The following TRPM6 variants were observed in gnomAD, a reference collection of about 807,000 sequenced individuals.
TRPM6 encodes transient receptor potential cation channel subfamily M member 6, also known as channel kinase 2.
TRPM6 carries 111 observed loss-of-function variants against 247.6 expected under a neutral mutation model. That is an observed-to-expected ratio of 0.45 (90% CI 0.38 to 0.52). The LOEUF (loss-of-function observed/expected upper bound fraction) is 0.52. TRPM6 is among the 20% of genes least tolerant of loss of function. The pLI is 0.00. For missense variants in TRPM6, 2,126 were observed against 2,421.5 expected, an observed-to-expected ratio of 0.88 and a Z score of 2.56; for synonymous variants, 892 against 853.8, an observed-to-expected ratio of 1.04 and a Z score of -0.78.
At chr9:74,727,829 A>C (rs1189598594) in intron 38 of TRPM6, among the ~76,000 whole-genome samples, 1 of 151,912 alleles carries the variant, frequency 6.6e-6, no homozygotes, top group Non-Finnish European at 1.5e-5. Flanking sequence ...TCCATACCAC[A>C]CCCTCCCAAG....
rs143835222 is a variant in TRPM6 at position 74,750,198 on chromosome 9, T to C, written c.5057+466A>G. ...ATTGCTTTGATGATTAGCATGCTACTGAGAAACCAAAAACAAAAAAGATAT... is the reference window on the plus strand; with the variant it reads ...ATTGCTTTGATGATTAGCATGCTACCGAGAAACCAAAAACAAAAAAGATAT... On this transcript the variant is annotated intron_variant, in intron 30 of 38. Transcript: ENST00000360774. 5.4e-3 allele frequency among the ~76,000 whole-genome samples: 816 copies of C among 152,144 alleles called. 6 individuals carry two copies. Among genetic ancestry groups the C allele is most frequent in the African/African-American group, 0.019 (777 of 41,480 alleles).
chr9:74,769,671 T>C (rs1475752820), intron 25 of TRPM6, among the ~76,000 whole-genome samples: 2 of 151,610 alleles, frequency 1.3e-5, no homozygotes, highest in Non-Finnish European at 2.9e-5. Context: ...GGCAGGAGAA[T>C]TGCTTGAACC....
chr9:74,859,508 C>T (rs1830630254), intron 1 of TRPM6, among the ~76,000 whole-genome samples: 1 of 152,180 alleles, frequency 6.6e-6, no homozygotes, highest in Admixed American at 6.5e-5. Flanking sequence ...CGTGGTGGCT[C>T]ATGCCTGTAA....
intron 13 of TRPM6, among the ~76,000 whole-genome samples, chr9:74,808,463 A>T (rs1587529273): frequency 6.6e-6 from 1 of 152,236 alleles, no homozygotes; most frequent in East Asian, 1.9e-4. Context: ...TCATGCACAC[A>T]AACATATATA....
At chr9:74,738,680 G>T in intron 35 of TRPM6, 68 bp from the exon 36 acceptor site, 1 of 1,361,360 alleles carries the variant, frequency 7.3e-7, no homozygotes, top group Non-Finnish European at 1.0e-6. Context: ...TTACTGAGCA[G>T]TCATCAGCAG....
Position 74,800,230 on chromosome 9 carries a change from A to G in TRPM6, c.2238+24T>C, listed in dbSNP as rs765653073. Reference sequence around the variant, plus strand: ...TTATACAAGACTAACATTAAACTCCATAAGACAAGTAAAGTAAATTTACCT... The same window carrying G: ...TTATACAAGACTAACATTAAACTCCGTAAGACAAGTAAAGTAAATTTACCT... On this transcript the variant is annotated intron_variant, in intron 17 of 38. Transcript: ENST00000360774. 5 of 1,599,388 alleles carry G rather than the reference A, an allele frequency of 3.1e-6. No homozygotes were observed. In the South Asian group the frequency reaches 4.4e-5, roughly 14 times the overall value.
At chr9:74,739,642 T>C in intron 34 of TRPM6, 81 bp downstream of exon 34, 1 of 1,582,278 alleles carries the variant, frequency 6.3e-7, no homozygotes, top group Non-Finnish European at 8.6e-7. Context: ...TTGAGGATAA[T>C]GGCCTTAGAT....
intron 31 of TRPM6, among the ~76,000 whole-genome samples, chr9:74,744,535 T>C (rs568644540): frequency 6.6e-6 from 1 of 152,274 alleles, no homozygotes; most frequent in South Asian, 2.1e-4. Context: ...ACAGTATTAA[T>C]ACCAAGTTAT....
chr9:74,820,399 TCTC>T lies in TRPM6; in HGVS notation c.1036_1038del (p.Glu346del). 6.2e-7 allele frequency: 1 copy of T among 1,614,034 alleles called. No homozygotes were observed. Among genetic ancestry groups the T allele is most frequent in the Non-Finnish European group, 8.5e-7 (1 of 1,179,992 alleles). ...AAAGTGTTCTGAATCATGCAGATGA[TCTC>T]CTCTTTCACCTGAGGTCGCAGCATC... On this transcript the variant is annotated inframe_deletion, in exon 9 of 39. Transcript: ENST00000360774.
Position 74,762,934 on chromosome 9 carries a change from C to T in TRPM6, c.3737G>A (p.Cys1246Tyr). 6.2e-7 allele frequency: 1 copy of T among 1,605,090 alleles called. No individual in the cohort carries two copies. The highest frequency in any genetic ancestry group is 1.1e-5 in the South Asian group (1 of 90,314). ...GCTCCAGCTGTGGGGAAGTTTTTTGCAAGTAGAATGCTTTCTCTTGGCCAG... is the reference window on the plus strand; with the variant it reads ...GCTCCAGCTGTGGGGAAGTTTTTTGTAAGTAGAATGCTTTCTCTTGGCCAG... The part of the protein sequence containing the change: ...ALLAKRKHST[C>Y]KKLPHSWSNV... The change falls in exon 26 of 39, where the codon TGC (cysteine) becomes TAC (tyrosine). Residue 1246 changes from cysteine (C) to tyrosine (Y), a missense_variant. Cys to Tyr is a radical substitution (Grantham distance 194). Coordinates refer to ENST00000360774, the MANE Select transcript of TRPM6 (RefSeq NM_017662.5).
Position 74,798,075 on chromosome 9 carries a change from T to C in TRPM6, c.2239-1182A>G, listed in dbSNP as rs1828162969. ...AAAAAATTTTTAAGTTCAACTTGTATGGCCTTCCAAGGTAAAGAGTTTAAA... is the reference window on the plus strand; with the variant it reads ...AAAAAATTTTTAAGTTCAACTTGTACGGCCTTCCAAGGTAAAGAGTTTAAA... On this transcript the variant is annotated intron_variant, in intron 17 of 38. Coordinates refer to ENST00000360774, the MANE Select transcript of TRPM6 (RefSeq NM_017662.5). Among the ~76,000 whole-genome samples the C allele has an allele frequency of 2.0e-5, 3 of 152,182 alleles. No individual in the cohort carries two copies. The East Asian group carries it at 5.8e-4, about 29-fold the overall frequency.
Position 74,738,486 on chromosome 9 carries a change from GGT to G in TRPM6, c.5695_5696del (p.Thr1899ProfsTer14). ...AGAAAGCCAACATCAGCTCCTCCAG[GGT>G]GTTGGTGGGGGTGATTTCATCACCA... ...NNGDEITPTN[T>X]LEELMLAFSH... is the part of the protein sequence containing the mutation. On this transcript the variant is annotated frameshift_variant, in exon 36 of 39. Transcript: ENST00000360774. 1 of 1,614,096 alleles carries G rather than the reference GGT, an allele frequency of 6.2e-7. No homozygotes were observed. The highest frequency in any genetic ancestry group is 8.5e-7 in the Non-Finnish European group (1 of 1,179,996).
At chr9:74,876,337 G>T (rs966973653) in intron 1 of TRPM6, among the ~76,000 whole-genome samples, 1 of 152,186 alleles carries the variant, frequency 6.6e-6, no homozygotes, top group Admixed American at 6.5e-5. Context: ...ACCCACCTCA[G>T]CCTCCCAAGT....
intron 11 of TRPM6, among the ~76,000 whole-genome samples, chr9:74,815,112 A>G (rs996165885): frequency 3.3e-5 from 5 of 152,166 alleles, no homozygotes; most frequent in African/African-American, 9.6e-5. Flanking sequence ...ACAAAAGAGA[A>G]CAAAGGTTGG....
At chr9:74,841,118 T>C (rs1829923943) in intron 4 of TRPM6, among the ~76,000 whole-genome samples, 1 of 152,224 alleles carries the variant, frequency 6.6e-6, no homozygotes, top group South Asian at 2.1e-4. Context: ...GAAAACACTT[T>C]TGTTCTGAAA....
intron 1 of TRPM6, among the ~76,000 whole-genome samples, chr9:74,862,848 T>A (rs1010581099): frequency 6.6e-6 from 1 of 151,578 alleles, no homozygotes; most frequent in Admixed American, 6.6e-5. Context: ...TGACGTGGTG[T>A]CGGGCGCCTA....
rs1827495893 is a variant in TRPM6, at chr9:74,782,428, A to C, written c.3143T>G (p.Phe1048Cys). ...SCPPGSFLTPFLQAVYLFVQY... is the reference protein window; with the variant it reads ...SCPPGSFLTPCLQAVYLFVQY... ...CACGAAGAGGTAGACAGCTTGCAAG[A>C]ATGGAGTAAGAAAAGAACCAGGAGG... The change falls in exon 23 of 39, where the codon TTC becomes TGC. Residue 1048 changes from phenylalanine (F) to cysteine (C), a missense_variant. Phe to Cys is a radical substitution (Grantham distance 205). Around this residue, in one of 3 missense-constraint regions of TRPM6, gnomAD observed 1,082 missense variants for 1,307.9 expected, o/e 0.83. Transcript: ENST00000360774. The C allele has an allele frequency of 6.2e-7, 1 of 1,614,056 alleles. No individual in the cohort carries two copies. The highest frequency in any genetic ancestry group is 1.7e-5 in the Admixed American group (1 of 60,010).
intron 1 of TRPM6, among the ~76,000 whole-genome samples, chr9:74,873,785 A>G (rs1030502709): frequency 7.2e-5 from 11 of 152,124 alleles, no homozygotes; most frequent in Non-Finnish European, 1.6e-4. Flanking sequence ...AAATCTTTTA[A>G]TTTAAAAGAT....
At chr9:74,785,845 A>G (rs534324345) in intron 21 of TRPM6, 29 bp downstream of exon 21, 5 of 1,613,678 alleles carry the variant, frequency 3.1e-6, no homozygotes, top group Admixed American at 3.3e-5. Context: ...AAAAAAGAAT[A>G]CCAGGATATA....
Sources: gnomAD v4.1 joint callset for allele counts (sites outside exome capture counted in the v4.1 genomes callset) on GRCh38, gnomAD v4.1.1 for gene constraint, gnomAD v4.1.1 regional missense constraint, MANE v1.5 for transcripts, NCBI Gene and HGNC (gene_info 2026-07-23, HGNC 2026-07-21) for gene names.